TPTE2: variants seen among roughly 807,000 people sequenced by gnomAD.
TPTE2 encodes the protein phosphatidylinositol 3,4,5-trisphosphate 3-phosphatase TPTE2.
In TPTE2, 53 loss-of-function variants were observed where a neutral mutation model predicts 78.6. The observed-to-expected ratio is 0.67, with a 90% CI of 0.54 to 0.85. TPTE2 has a LOEUF of 0.85. Among genes scored for constraint, TPTE2 ranks in the 40% least tolerant of loss-of-function variants. The pLI is 0.00. For missense variants in TPTE2, 461 were observed against 623.0 expected, an observed-to-expected ratio of 0.74 and a Z score of 2.77; for synonymous variants, 175 against 206.2, an observed-to-expected ratio of 0.85 and a Z score of 1.30.
chr13:19,556,626 A>G, the TPTE2 span, among the ~76,000 whole-genome samples: 1 of 152,092 alleles, frequency 6.6e-6, no homozygotes, highest in Non-Finnish European at 1.5e-5. Flanking sequence ...TCTGGGCTCC[A>G]GTGATCCTGC....
At chr13:19,524,440 A>C (rs1213269898) in intron 1 of TPTE2, among the ~76,000 whole-genome samples, 1 of 152,216 alleles carries the variant, frequency 6.6e-6, no homozygotes, top group Non-Finnish European at 1.5e-5. Flanking sequence ...AGCAGAAACC[A>C]GGCAAATCAT....
Position 19,463,680 on chromosome 13 carries a change from G to A in TPTE2, c.741+776C>T, listed in dbSNP as rs564986026. 3.3e-5 allele frequency among the ~76,000 whole-genome samples: 5 copies of A among 152,194 alleles called. No homozygotes were observed. In the South Asian group the frequency reaches 6.3e-4, roughly 19 times the overall value. ...AGTTGTCTCCTATAGTGTTCATTGA[G>A]TAGGGTGCTTTGACTTTGGTTCTGG... On this transcript the variant is annotated intron_variant, in intron 10 of 19. Transcript: ENST00000400230.
intron 1 of TPTE2, among the ~76,000 whole-genome samples, chr13:19,510,974 T>C (rs1162726647): frequency 6.6e-6 from 1 of 152,258 alleles, no homozygotes; most frequent in East Asian, 1.9e-4. Flanking sequence ...ATGTCAAGTG[T>C]TGTTGTGAAT....
chr13:19,453,973 T>C (rs1223490018), intron 10 of TPTE2, among the ~76,000 whole-genome samples: 4 of 152,322 alleles, frequency 2.6e-5, no homozygotes, highest in Non-Finnish European at 5.9e-5. Flanking sequence ...TGGGTTTTCC[T>C]AAATCTACCA....
At chr13:19,501,890 C>T (rs960805531) in intron 1 of TPTE2, among the ~76,000 whole-genome samples, 5 of 151,290 alleles carry the variant, frequency 3.3e-5, no homozygotes, top group African/African-American at 1.2e-4. Flanking sequence ...ATTTTCGCAA[C>T]CTACTCATCT....
intron 9 of TPTE2, among the ~76,000 whole-genome samples, 192 bp downstream of exon 12, chr13:19,465,063 G>C (rs1198907677): frequency 2.6e-5 from 4 of 152,170 alleles, no homozygotes; most frequent in Non-Finnish European, 4.4e-5. Flanking sequence ...CAACTGAGTA[G>C]TCCTGAATTG....
At chr13:19,497,501 T>A (rs7992319) in intron 1 of TPTE2, among the ~76,000 whole-genome samples, 3 of 90,050 alleles carry the variant, frequency 3.3e-5, no homozygotes, top group Admixed American at 2.6e-4. Context: ...CCCTGACCCC[T>A]GAGCAGCCTA....
chr13:19,423,252 C>CA lies in TPTE2; in HGVS notation c.1467-89dup, dbSNP rs202181879. The CA allele has an allele frequency of 3.6e-3, 3,440 of 948,782 alleles. 33 individuals are homozygous for CA. The highest frequency in any genetic ancestry group is 0.03 in the African/African-American group (1,713 of 57,766). 58.8% of individuals were successfully genotyped at this position (948,782 alleles called of 1,614,324 possible). On this transcript the variant is annotated intron_variant, in intron 19 of 19. Coordinates refer to ENST00000400230, the Ensembl canonical transcript of TPTE2. ...GTACCCACGTTAGAGCTGGAAGAAA[C>CA]AAAAAAAAACCTCACCATGAATAGA...
chr13:19,435,587 C>G (rs1240568884), intron 15 of TPTE2, among the ~76,000 whole-genome samples: 2 of 151,902 alleles, frequency 1.3e-5, no homozygotes, highest in Non-Finnish European at 2.9e-5. Flanking sequence ...CAAAATGCTT[C>G]TAAAAGAAAA....
At chr13:19,446,418 C>T (rs1048659492) in intron 13 of TPTE2, among the ~76,000 whole-genome samples, 1 of 152,104 alleles carries the variant, frequency 6.6e-6, no homozygotes, top group Non-Finnish European at 1.5e-5. Flanking sequence ...AACAAAATAG[C>T]ATGCAATTGA....
intron 5 of TPTE2, among the ~76,000 whole-genome samples, chr13:19,474,889 G>A (rs929216739): frequency 6.6e-6 from 1 of 152,124 alleles, no homozygotes; most frequent in Non-Finnish European, 1.5e-5. Context: ...GAACTAAAGA[G>A]TAATTCCAGA....
At chr13:19,423,630 T>G (rs1310014399) in intron 19 of TPTE2, among the ~76,000 whole-genome samples, 1 of 152,192 alleles carries the variant, frequency 6.6e-6, no homozygotes, top group Non-Finnish European at 1.5e-5. Context: ...TAGGCATAAA[T>G]TGGTTAACCC....
At chr13:19,509,504 TTGGA>T (rs1869292274) in intron 1 of TPTE2, among the ~76,000 whole-genome samples, 1 of 152,050 alleles carries the variant, frequency 6.6e-6, no homozygotes, top group Admixed American at 6.5e-5. Context: ...ATGTGAAAAC[TTGGA>T]TGGAATGGAA....
At chr13:19,423,198 TG>T in intron 19 of TPTE2, 34 bp from the exon 23 acceptor site, 1 of 1,550,006 alleles carries the variant, frequency 6.5e-7, no homozygotes, top group South Asian at 1.2e-5. Context: ...CATTTTATAT[TG>T]GGGCTCACCA....
chr13:19,428,882 G>T (rs1475249575), intron 17 of TPTE2, among the ~76,000 whole-genome samples: 4 of 152,152 alleles, frequency 2.6e-5, no homozygotes, highest in African/African-American at 9.7e-5. Flanking sequence ...TTATGTTAGG[G>T]CTATTACATC....
At chr13:19,506,110 A>AGTG (rs1213110139), upstream of TPTE2, among the ~76,000 whole-genome samples, 1 of 135,774 alleles carries the variant, frequency 7.4e-6, no homozygotes, top group Admixed American at 7.7e-5. Context: ...TGTATGCATG[A>AGTG]GTGTATGTTA....
At chr13:19,471,100 G>A (rs532153027) in intron 6 of TPTE2, among the ~76,000 whole-genome samples, 58 of 151,924 alleles carry the variant, frequency 3.8e-4, no homozygotes, top group African/African-American at 1.4e-3. Flanking sequence ...AGTAGAGACA[G>A]GGTTTCACCA....
rs571007747 is a variant in TPTE2 at position 19,497,763 on chromosome 13, G to A, written c.12-4262C>T. On this transcript the variant is annotated intron_variant, in intron 1 of 19. Coordinates refer to ENST00000400230, the Ensembl canonical transcript of TPTE2. Reference sequence around the variant, plus strand: ...AGCGCCTCTCCTCCTCCAAAGGAACGCAGTTCCTCACCAGCAACGGAACAA... The same window carrying A: ...AGCGCCTCTCCTCCTCCAAAGGAACACAGTTCCTCACCAGCAACGGAACAA... Among the ~76,000 whole-genome samples, 241 of 151,520 alleles carry A rather than the reference G, an allele frequency of 1.6e-3. 1 individual carries two copies. Among genetic ancestry groups the A allele is most frequent in the African/African-American group, 4.4e-3 (182 of 41,432 alleles).
chr13:19,445,353 C>A (rs1234105807), intron 13 of TPTE2, among the ~76,000 whole-genome samples: 1 of 152,096 alleles, frequency 6.6e-6, no homozygotes, highest in Non-Finnish European at 1.5e-5. Context: ...AAAAAAACTT[C>A]CTCAAACTTA....
Sources: allele counts gnomAD v4.1 joint callset (sites outside exome capture counted in the v4.1 genomes callset), GRCh38; gene constraint gnomAD v4.1.1; transcripts MANE v1.5; gene names NCBI Gene and HGNC (gene_info 2026-07-23, HGNC 2026-07-21).